The following GRM1 variants were observed in gnomAD, a reference collection of about 807,000 sequenced individuals.
GRM1 encodes the protein glutamate metabotropic receptor 1.
Under a neutral mutation model 90.9 loss-of-function variants are expected in GRM1, and 33 were observed. The ratio of observed to expected loss-of-function variants is 0.36; its 90% CI spans 0.28 to 0.49. The LOEUF (loss-of-function observed/expected upper bound fraction) is 0.49, where lower values mean the gene tolerates loss of function less well. GRM1 is among the 20% of genes least tolerant of loss of function. The pLI is 0.99. For missense variants in GRM1, 1,190 were observed against 1,534.3 expected (o/e 0.78, Z 3.75); for synonymous variants, 700 against 613.2 (o/e 1.14, Z -2.09).
At chr6:146,142,071 T>C (rs2128884307) in intron 1 of GRM1, among the ~76,000 whole-genome samples, 1 of 152,356 alleles carries the variant, frequency 6.6e-6, no homozygotes, top group Middle Eastern at 3.4e-3. Flanking sequence ...TGTTGTTATC[T>C]AAGTTTTTGG....
chr6:146,266,559 C>T (rs1385729949), intron 2 of GRM1, among the ~76,000 whole-genome samples: 3 of 152,190 alleles, frequency 2.0e-5, no homozygotes, highest in Admixed American at 1.3e-4. Flanking sequence ...CCAGGTTCTA[C>T]AGGAAACTCC....
At chr6:146,139,885 C>CCCTTCCCTTT (rs1776773781) in intron 1 of GRM1, among the ~76,000 whole-genome samples, 1 of 108,542 alleles carries the variant, frequency 9.2e-6, no homozygotes, top group African/African-American at 4.1e-5. Flanking sequence ...CCCTTCCCTT[C>CCCTTCCCTTT]CCTTCCCTTC....
At chr6:146,355,246 G>T (rs913880937) in intron 4 of GRM1, among the ~76,000 whole-genome samples, 10 of 152,200 alleles carry the variant, frequency 6.6e-5, no homozygotes, top group Non-Finnish European at 1.5e-5. Flanking sequence ...AAAATGGAAA[G>T]ATATCAGAGG....
intron 7 of GRM1, among the ~76,000 whole-genome samples, chr6:146,410,473 T>C (rs1310003784): frequency 6.6e-6 from 1 of 151,982 alleles, no homozygotes; most frequent in African/African-American, 2.4e-5. Flanking sequence ...AGAAAATCAG[T>C]GAGTATTTAA....
intron 1 of GRM1, among the ~76,000 whole-genome samples, chr6:146,066,088 A>AG (rs1180299851): frequency 6.6e-6 from 1 of 152,040 alleles, no homozygotes; most frequent in African/African-American, 2.4e-5. Flanking sequence ...TTTTGGAACC[A>AG]GGGGGTACAT....
intron 1 of GRM1, among the ~76,000 whole-genome samples, chr6:146,067,148 C>T (rs983262411): frequency 6.6e-6 from 1 of 152,124 alleles, no homozygotes; most frequent in African/African-American, 2.4e-5. Flanking sequence ...TAATGAATTT[C>T]GCTGAGAGAA....
intron 2 of GRM1, among the ~76,000 whole-genome samples, chr6:146,208,596 T>C (rs1779573431): frequency 6.6e-6 from 1 of 152,104 alleles, no homozygotes; most frequent in Non-Finnish European, 1.5e-5. Context: ...CATGTCGGGG[T>C]CTTGATCATT....
intron 7 of GRM1, among the ~76,000 whole-genome samples, chr6:146,422,359 G>C (rs1280876444): frequency 5.3e-5 from 8 of 152,176 alleles, no homozygotes; most frequent in Non-Finnish European, 8.8e-5. Flanking sequence ...AACAAGTAAA[G>C]TGAAGGGAAG....
chr6:146,417,497 A>G (rs747206613), intron 7 of GRM1, among the ~76,000 whole-genome samples: 3 of 152,162 alleles, frequency 2.0e-5, no homozygotes, highest in South Asian at 2.1e-4. Context: ...GACTATGGTG[A>G]TTACACTTGT....
chr6:146,366,762 C>A (rs1775705586), intron 5 of GRM1, among the ~76,000 whole-genome samples: 1 of 151,882 alleles, frequency 6.6e-6, no homozygotes, highest in Non-Finnish European at 1.5e-5. Context: ...TTTTCTTGCC[C>A]TTGAGTTGTT....
intron 2 of GRM1, among the ~76,000 whole-genome samples, chr6:146,166,343 C>G (rs1777903446): frequency 1.3e-5 from 2 of 152,010 alleles, no homozygotes; most frequent in Non-Finnish European, 2.9e-5. Context: ...GGGATTTGCA[C>G]TCATGTGGCA....
intron 1 of GRM1, among the ~76,000 whole-genome samples, chr6:146,112,359 G>T (rs902996610): frequency 1.3e-5 from 2 of 149,146 alleles, no homozygotes; most frequent in Non-Finnish European, 3.0e-5. Context: ...CTTCAGAAAA[G>T]TTTTTTTTTT....
chr6:146,274,005 T>C (rs765695280), intron 2 of GRM1, among the ~76,000 whole-genome samples: 6 of 152,270 alleles, frequency 3.9e-5, no homozygotes, highest in South Asian at 2.1e-4. Context: ...GAATAAAACA[T>C]GTATTACAGA....
Position 146,078,086 on chromosome 6 carries a change from A to G in GRM1, c.700+47869A>G, listed in dbSNP as rs148917374. Among the ~76,000 whole-genome samples the G allele has an allele frequency of 9.8e-5, 15 of 152,376 alleles. No individual in the cohort carries two copies. The East Asian group carries it at 2.9e-3, about 29-fold the overall frequency. On this transcript the variant is annotated intron_variant, in intron 1 of 7. Coordinates refer to ENST00000282753, the MANE Select transcript of GRM1 (RefSeq NM_001278064.2). ...CATTCAACAAAATATAAGCAAAAGAACACTATTGGAAAAAAAAGATTTCCT... is the reference window on the plus strand; with the variant it reads ...CATTCAACAAAATATAAGCAAAAGAGCACTATTGGAAAAAAAAGATTTCCT...
intron 1 of GRM1, among the ~76,000 whole-genome samples, chr6:146,106,873 G>A (rs1030104770): frequency 4.6e-5 from 7 of 152,216 alleles, no homozygotes; most frequent in South Asian, 4.1e-4. Context: ...TTAGCATGAC[G>A]ATATGCACAG....
At chr6:146,077,198 A>G (rs958602829) in intron 1 of GRM1, among the ~76,000 whole-genome samples, 6 of 152,242 alleles carry the variant, frequency 3.9e-5, no homozygotes, top group East Asian at 3.8e-4. Context: ...TGATTTTCCA[A>G]TCACTAGACT....
intron 1 of GRM1, among the ~76,000 whole-genome samples, chr6:146,095,397 C>T (rs1165006319): frequency 2.0e-5 from 3 of 152,116 alleles, no homozygotes. Context: ...CATGGAAGCT[C>T]AGGAATGGCA....
Position 146,361,984 on chromosome 6 carries a change from A to C in GRM1, c.1602+4290A>C, listed in dbSNP as rs868028078. 2.0e-5 allele frequency among the ~76,000 whole-genome samples: 3 copies of C among 152,362 alleles called. No homozygotes were observed. The South Asian group carries it at 6.2e-4, about 32-fold the overall frequency. On this transcript the variant is annotated intron_variant, in intron 5 of 7. Transcript: ENST00000282753. ...TTTGTGAAGGAGGCTGGAAGAGTTT[A>C]ATAGAGACTGAGACATTGACAGAGA... is the stretch of plus-strand genomic sequence containing the variant.
chr6:146,342,117 C>T (rs570852537), intron 3 of GRM1, among the ~76,000 whole-genome samples: 7 of 152,154 alleles, frequency 4.6e-5, no homozygotes, highest in African/African-American at 7.2e-5. Context: ...TTTATTGTGG[C>T]GGTGTTGGTC....
Sources: gnomAD v4.1 joint callset for allele counts (sites outside exome capture counted in the v4.1 genomes callset) on GRCh38, gnomAD v4.1.1 for gene constraint, MANE v1.5 for transcripts, NCBI Gene and HGNC (gene_info 2026-07-23, HGNC 2026-07-21) for gene names.